Variants in YTHDF2 observed in about 807,000 individuals in gnomAD.
YTHDF2 encodes YTH N6-methyladenosine RNA binding protein F2, also known as YTH domain-containing family protein 2.
A neutral mutation model predicts 50.4 loss-of-function variants in YTHDF2; 2 were observed. The ratio of observed to expected loss-of-function variants is 0.04; its 90% CI spans 0.02 to 0.12. The LOEUF (loss-of-function observed/expected upper bound fraction) is 0.12, where lower values mean the gene tolerates loss of function less well. YTHDF2 is among the 10% of genes least tolerant of loss of function. The probability of loss-of-function intolerance (pLI) is 1.00; values close to 1 mark genes in which losing one functional copy is unlikely to be tolerated. For synonymous variants in YTHDF2, 217 were observed against 255.6 expected (o/e 0.85, Z 1.44); for missense variants, 483 against 722.6 (o/e 0.67, Z 3.80).
intron 3 of YTHDF2, chr1:28,739,207 A>G (rs1487949209): frequency 6.6e-6 from 1 of 152,202 alleles, no homozygotes; most frequent in African/African-American, 2.4e-5. Context: ...TCTGGTCTCT[A>G]AAAAATAGTC....
chr1:28,740,925 C>T (rs974423019), intron 3 of YTHDF2, among the ~76,000 whole-genome samples: 14 of 151,894 alleles, frequency 9.2e-5, no homozygotes, highest in South Asian at 2.1e-4. Flanking sequence ...AGGATGGTCT[C>T]GATCTCCTGA....
intron 4 of YTHDF2, among the ~76,000 whole-genome samples, chr1:28,762,616 G>A (rs2088153278): frequency 6.6e-6 from 1 of 152,122 alleles, no homozygotes; most frequent in Non-Finnish European, 1.5e-5. Context: ...CCTCAGTTGT[G>A]TTTTATGGCC....
rs149089494 is a variant in YTHDF2 at position 28,747,082 on chromosome 1, C to CA, written c.1716+3106dup. On this transcript the variant is annotated intron_variant, in intron 4 of 4. Coordinates refer to ENST00000373812, the MANE Select transcript of YTHDF2 (RefSeq NM_016258.3). The stretch of plus-strand genomic sequence containing the variant: ...AGGCAACAAGAGTGAAACTCTGTCT[C>CA]AAAAAAAAAATTCAGCTTTTAATCA... Among the ~76,000 whole-genome samples, 89 of 149,336 alleles carry CA rather than the reference C, an allele frequency of 6.0e-4. 1 individual carries two copies. In the South Asian group the frequency reaches 0.012, roughly 19 times the overall value.
At position 28,755,464 on chromosome 1, in the gene YTHDF2, A is replaced by C. The variant is rs139633814; in HGVS notation, c.1716+11478A>C. The stretch of plus-strand genomic sequence containing the variant: ...GTATCCTTGTGAGGTAGGTATAAGT[A>C]GCTCAGTTTTACTGATGAAAACATT... On this transcript the variant is annotated intron_variant, in intron 4 of 4. Coordinates refer to ENST00000373812, the MANE Select transcript of YTHDF2 (RefSeq NM_016258.3). 4.3e-3 allele frequency among the ~76,000 whole-genome samples: 656 copies of C among 152,204 alleles called. 7 individuals carry two copies. Among genetic ancestry groups the C allele is most frequent in the African/African-American group, 0.015 (629 of 41,576 alleles).
At chr1:28,751,554 A>G (rs2087953094) in intron 4 of YTHDF2, among the ~76,000 whole-genome samples, 1 of 152,178 alleles carries the variant, frequency 6.6e-6, no homozygotes, top group Non-Finnish European at 1.5e-5. Flanking sequence ...TATTTGTATT[A>G]CTCATCACCT....
At chr1:28,738,366 A>G (rs776926899) in intron 3 of YTHDF2, 28 bp downstream of exon 3, 37 of 1,540,132 alleles carry the variant, frequency 2.4e-5, no homozygotes, top group Admixed American at 1.3e-4. Context: ...TACATATCTA[A>G]TCGAAGGGTG....
rs1328343670 is a variant in YTHDF2, at chr1:28,737,761, CGGGCGGA to C, written c.52+82_52+88del. 9 of 1,565,056 alleles carry C rather than the reference CGGGCGGA, an allele frequency of 5.8e-6. No homozygotes were observed. The Admixed American group carries it at 9.0e-5, about 16-fold the overall frequency. Reference sequence around the variant, plus strand: ...GGGGCGGGGTCTCCGGGAAGCGCCCCGGGCGGAGGACCTTTCGGAAGCCGCTTAGTTC... The same window carrying C: ...GGGGCGGGGTCTCCGGGAAGCGCCCCGGACCTTTCGGAAGCCGCTTAGTTC... On this transcript the variant is annotated intron_variant, in intron 2 of 4. Transcript: ENST00000373812.
rs576665526 is a variant in YTHDF2, at chr1:28,762,317, G to A, written c.1717-6612G>A. Among the ~76,000 whole-genome samples the A allele has an allele frequency of 3.5e-3, 532 of 152,260 alleles. 2 individuals carry two copies. Among genetic ancestry groups the A allele is most frequent in the Non-Finnish European group, 6.8e-3 (461 of 68,008 alleles). ...TGAGGCAGGAGAATGGCATGAACCC[G>A]GGAGGTGGAGCTTGCAGTGAGTGGA... On this transcript the variant is annotated intron_variant, in intron 4 of 4. Transcript: ENST00000373812.
chr1:28,750,120 A>G (rs2087928615), intron 4 of YTHDF2, among the ~76,000 whole-genome samples: 1 of 149,316 alleles, frequency 6.7e-6, no homozygotes, highest in Admixed American at 6.8e-5. Context: ...CCTCCCAAGT[A>G]GCTGGGAGTA....
In YTHDF2 at chr1:28,738,299, T is replaced by C; in HGVS notation, c.93T>C (p.Asp31=). The change falls in exon 3 of 5, where the codon GAT becomes GAC. Residue 31 remains aspartate, a synonymous_variant. Coordinates refer to ENST00000373812, the MANE Select transcript of YTHDF2 (RefSeq NM_016258.3). ...TACATCAAAAGGATGGATTAAACGA[T>C]GATGATTTTGAACCTTACTTGAGTC... is the stretch of plus-strand genomic sequence containing the variant. ...GSVHQKDGLN[D]DDFEPYLSPQ... 1 of 1,614,158 alleles carries C rather than the reference T, an allele frequency of 6.2e-7. No homozygotes were observed. Among genetic ancestry groups the C allele is most frequent in the South Asian group, 1.1e-5 (1 of 91,080 alleles).
At chr1:28,759,680 G>A (rs762567881) in intron 4 of YTHDF2, among the ~76,000 whole-genome samples, 1 of 152,242 alleles carries the variant, frequency 6.6e-6, no homozygotes, top group Non-Finnish European at 1.5e-5. Context: ...AGGGGACTGG[G>A]TACGGTGGTG....
chr1:28,758,980 AATTTT>A (rs1432557462), intron 4 of YTHDF2, among the ~76,000 whole-genome samples: 1 of 152,204 alleles, frequency 6.6e-6, no homozygotes, highest in African/African-American at 2.4e-5. Flanking sequence ...CTGAATTAGA[AATTTT>A]ATTTAATAAG....
Position 28,737,646 on chromosome 1 carries a change from C to G in YTHDF2, c.28-12C>G, listed in dbSNP as rs199498914. The G allele has an allele frequency of 1.7e-5, 27 of 1,613,758 alleles. No individual in the cohort carries two copies. The highest frequency in any genetic ancestry group is 2.3e-5 in the Non-Finnish European group (27 of 1,179,832). ...ACAACTTGCTGCTCGGCGACGTTTC[C>G]TTCCCCTGCAGAGACCAAAAGGTCA... On this transcript the variant is annotated splice_polypyrimidine_tract_variant and intron_variant, in intron 1 of 4. Coordinates refer to ENST00000373812, the MANE Select transcript of YTHDF2 (RefSeq NM_016258.3).
At chr1:28,760,568 G>A (rs1466448335) in intron 4 of YTHDF2, among the ~76,000 whole-genome samples, 1 of 151,268 alleles carries the variant, frequency 6.6e-6, no homozygotes, top group Admixed American at 6.6e-5. Flanking sequence ...GATTACAGTC[G>A]TGAGCCACCA....
intron 4 of YTHDF2, among the ~76,000 whole-genome samples, chr1:28,761,909 CTT>C (rs765317532): frequency 8.5e-5 from 13 of 152,100 alleles, no homozygotes; most frequent in Non-Finnish European, 1.6e-4. Flanking sequence ...TACTTTGTCT[CTT>C]TATCTGGGGG....
At chr1:28,760,140 C>CAGGAGGTA (rs1557549417) in intron 4 of YTHDF2, among the ~76,000 whole-genome samples, 1 of 152,168 alleles carries the variant, frequency 6.6e-6, no homozygotes, top group African/African-American at 2.4e-5. Context: ...ATAGTACCTT[C>CAGGAGGTA]TTCTGGAATA....
At chr1:28,760,465 C>G (rs778059156) in intron 4 of YTHDF2, among the ~76,000 whole-genome samples, 88 of 151,666 alleles carry the variant, frequency 5.8e-4, no homozygotes, top group Non-Finnish European at 9.9e-4. Flanking sequence ...TGGCTAATTT[C>G]TTGTATTTTT....
At chr1:28,750,615 A>C (rs2087936361) in intron 4 of YTHDF2, among the ~76,000 whole-genome samples, 2 of 152,184 alleles carry the variant, frequency 1.3e-5, no homozygotes, top group Non-Finnish European at 2.9e-5. Flanking sequence ...TTCTGACCGA[A>C]GTATTTGTTA....
chr1:28,740,170 G>A (rs957609889), intron 3 of YTHDF2: 1 of 152,198 alleles, frequency 6.6e-6, no homozygotes, highest in African/African-American at 2.4e-5. Flanking sequence ...GGAAGTAGAG[G>A]AATGAACTAT....
Sources: allele counts gnomAD v4.1 joint callset (sites outside exome capture counted in the v4.1 genomes callset), GRCh38; gene constraint gnomAD v4.1.1; transcripts MANE v1.5; gene names NCBI Gene and HGNC (gene_info 2026-07-23, HGNC 2026-07-21).